The following SGCZ variants were observed in gnomAD, a reference collection of about 807,000 sequenced individuals.
SGCZ encodes sarcoglycan zeta.
SGCZ carries 40 observed loss-of-function variants against 41.3 expected under a neutral mutation model. The observed-to-expected ratio is 0.97, with a 90% confidence interval of 0.75 to 1.26. The LOEUF (loss-of-function observed/expected upper bound fraction) is 1.26. Among genes scored for constraint, SGCZ ranks in the 50% most tolerant of loss-of-function variants. The pLI, the probability that SGCZ is intolerant of heterozygous loss-of-function variation, is 0.00. For missense variants in SGCZ, 552 were observed against 369.8 expected, an observed-to-expected ratio of 1.49 and a Z score of -4.04; for synonymous variants, 206 against 137.5, an observed-to-expected ratio of 1.50 and a Z score of -3.49.
intron 2 of SGCZ, among the ~76,000 whole-genome samples, chr8:14,336,200 G>T (rs1043226569): frequency 1.3e-5 from 2 of 152,062 alleles, no homozygotes; most frequent in African/African-American, 4.8e-5. Context: ...ATTTGCTAAG[G>T]ATAATGGCCT....
intron 1 of SGCZ, among the ~76,000 whole-genome samples, chr8:14,587,653 G>A (rs1805104229): frequency 6.6e-6 from 1 of 152,158 alleles, no homozygotes; most frequent in Non-Finnish European, 1.5e-5. Context: ...AATATATGCA[G>A]CCAATCTAAT....
intron 4 of SGCZ, among the ~76,000 whole-genome samples, chr8:14,209,163 C>T (rs1320407921): frequency 6.6e-6 from 1 of 152,196 alleles, no homozygotes; most frequent in African/African-American, 2.4e-5. Flanking sequence ...GCGGGGTGGA[C>T]AGCCTTCCCA....
At chr8:14,228,230 C>A (rs1346625193) in intron 4 of SGCZ, among the ~76,000 whole-genome samples, 15 of 152,040 alleles carry the variant, frequency 9.9e-5, no homozygotes, top group Non-Finnish European at 7.4e-5. Flanking sequence ...AACTCCAATG[C>A]ACCTGCAATT....
At chr8:14,719,687 T>G (rs1809815707) in intron 1 of SGCZ, among the ~76,000 whole-genome samples, 2 of 151,984 alleles carry the variant, frequency 1.3e-5, no homozygotes, top group Admixed American at 1.3e-4. Flanking sequence ...CTTTGCCCAC[T>G]TTTTGATGGG....
chr8:14,484,566 C>A (rs1377973375), intron 2 of SGCZ, among the ~76,000 whole-genome samples: 1 of 151,956 alleles, frequency 6.6e-6, no homozygotes, highest in Non-Finnish European at 1.5e-5. Flanking sequence ...ATGGGAGCAT[C>A]CTGGTATGGA....
At chr8:15,114,860 T>C (rs1294319685) in intron 1 of SGCZ, among the ~76,000 whole-genome samples, 2 of 152,090 alleles carry the variant, frequency 1.3e-5, no homozygotes, top group Non-Finnish European at 2.9e-5. Context: ...ACACTTCAGT[T>C]CTGATTCTAA....
chr8:14,851,376 A>AG, intron 1 of SGCZ, among the ~76,000 whole-genome samples: 1 of 140,800 alleles, frequency 7.1e-6, no homozygotes, highest in Non-Finnish European at 1.6e-5. Context: ...CTCAAAAAAA[A>AG]AAAAAAAAAA....
chr8:15,129,863 G>T (rs1406115300), intron 1 of SGCZ, among the ~76,000 whole-genome samples: 1 of 151,822 alleles, frequency 6.6e-6, no homozygotes, highest in African/African-American at 2.4e-5. Flanking sequence ...CGTCCTCTGT[G>T]TCCTCAGACA....
intron 1 of SGCZ, among the ~76,000 whole-genome samples, chr8:14,880,314 AG>A (rs1372023898): frequency 3.3e-5 from 5 of 152,152 alleles, no homozygotes; most frequent in African/African-American, 1.2e-4. Flanking sequence ...CAGGTGCTGG[AG>A]AGGATGTGGA....
chr8:14,254,823 C>T (rs1489269045), intron 3 of SGCZ, among the ~76,000 whole-genome samples: 1 of 152,042 alleles, frequency 6.6e-6, no homozygotes, highest in Non-Finnish European at 1.5e-5. Context: ...TTTACTAAAG[C>T]TGTAGAAAGT....
At chr8:15,160,072 G>A (rs115957568) in intron 1 of SGCZ, among the ~76,000 whole-genome samples, 6,460 of 151,956 alleles carry the variant, frequency 0.043, 331 homozygotes, top group African/African-American at 0.12. Flanking sequence ...ATTTTTAAGT[G>A]TACAGTTCAG....
At chr8:14,192,010 A>G (rs1346170278) in intron 4 of SGCZ, among the ~76,000 whole-genome samples, 4 of 152,132 alleles carry the variant, frequency 2.6e-5, no homozygotes, top group African/African-American at 9.6e-5. Context: ...CACTTTGTAT[A>G]AACATACTAT....
rs940348722 is a variant in SGCZ, at chr8:14,178,299, A to C, written c.425-13597T>G. 8.5e-5 allele frequency among the ~76,000 whole-genome samples: 13 copies of C among 152,176 alleles called. No individual in the cohort carries two copies. In the South Asian group the frequency reaches 2.7e-3, roughly 32 times the overall value. On this transcript the variant is annotated intron_variant, in intron 4 of 7. Transcript: ENST00000382080. ...GTTCAGTCAGTTCTAGCTAAATGTA[A>C]ATATTGAAACCATTTGAAGCTAAAG... is the stretch of plus-strand genomic sequence containing the variant.
chr8:14,671,236 T>C lies in SGCZ; in HGVS notation c.40-116310A>G, dbSNP rs556032739. Among the ~76,000 whole-genome samples the C allele has an allele frequency of 2.0e-4, 30 of 152,338 alleles. 1 individual carries two copies. The highest frequency in any genetic ancestry group is 6.8e-3 in the Middle Eastern group (2 of 294). On this transcript the variant is annotated intron_variant, in intron 1 of 7. Coordinates refer to ENST00000382080, the MANE Select transcript of SGCZ (RefSeq NM_139167.4). ...GGGAGTCTGATGGTTCTCGCAGTGG[T>C]GTCATGTGACAGTGGTATCTTTTTA...
chr8:14,295,602 A>G (rs947431173), intron 3 of SGCZ, among the ~76,000 whole-genome samples: 3 of 152,180 alleles, frequency 2.0e-5, no homozygotes, highest in Non-Finnish European at 4.4e-5. Flanking sequence ...TGTAAAATGA[A>G]CTATAACTGA....
chr8:14,456,226 T>G (rs532995092), intron 2 of SGCZ, among the ~76,000 whole-genome samples: 1 of 152,132 alleles, frequency 6.6e-6, no homozygotes, highest in South Asian at 2.1e-4. Flanking sequence ...CTGACCAACA[T>G]AGTGAAACCC....
intron 1 of SGCZ, among the ~76,000 whole-genome samples, chr8:15,199,356 TTAAAG>T (rs1322433299): frequency 6.6e-6 from 1 of 152,190 alleles, no homozygotes; most frequent in Non-Finnish European, 1.5e-5. Context: ...CCCTCAACCA[TTAAAG>T]TAATTTAATC....
chr8:14,362,317 CT>C (rs1304759458), intron 2 of SGCZ, among the ~76,000 whole-genome samples: 1 of 152,204 alleles, frequency 6.6e-6, no homozygotes, highest in Non-Finnish European at 1.5e-5. Flanking sequence ...CCTTGCTGAG[CT>C]GTAGGGGCTC....
At chr8:15,149,987 T>C (rs528163814) in intron 1 of SGCZ, among the ~76,000 whole-genome samples, 10 of 152,284 alleles carry the variant, frequency 6.6e-5, no homozygotes, top group Admixed American at 5.9e-4. Flanking sequence ...TATATTTAGT[T>C]AGATGGAAAA....
Sources: allele counts gnomAD v4.1 joint callset (sites outside exome capture counted in the v4.1 genomes callset), GRCh38; gene constraint gnomAD v4.1.1; transcripts MANE v1.5; gene names NCBI Gene and HGNC (gene_info 2026-07-23, HGNC 2026-07-21).